The following HS6ST2 variants were observed in gnomAD, a reference collection of about 807,000 sequenced individuals.
HS6ST2 encodes heparan-sulfate 6-O-sulfotransferase 2.
Under a neutral mutation model 33.0 loss-of-function variants are expected in HS6ST2, and 17 were observed. The ratio of observed to expected loss-of-function variants is 0.52; its 90% CI spans 0.35 to 0.77. The LOEUF is 0.77. Among genes scored for constraint, HS6ST2 ranks in the 30% least tolerant of loss-of-function variants. The pLI, the probability that HS6ST2 is intolerant of heterozygous loss-of-function variation, is 0.01. For missense variants in HS6ST2, 519 were observed against 551.7 expected, an observed-to-expected ratio of 0.94 and a Z score of 0.59; for synonymous variants, 248 against 237.1, an observed-to-expected ratio of 1.05 and a Z score of -0.42.
At chrX:132,680,101 C>A (rs2063957925) in intron 3 of HS6ST2, among the ~76,000 whole-genome samples, 1 of 107,533 alleles carries the variant, frequency 9.3e-6, no homozygotes, top group South Asian at 4.3e-4. Flanking sequence ...TAAAGACAGG[C>A]ATAGGAAATC....
intron 3 of HS6ST2, among the ~76,000 whole-genome samples, chrX:132,672,166 T>C (rs1462308663): frequency 9.0e-6 from 1 of 111,180 alleles, no homozygotes; most frequent in Non-Finnish European, 1.9e-5. Context: ...ACTTCAAAGA[T>C]CTTTGGGGCA....
intron 2 of HS6ST2, among the ~76,000 whole-genome samples, chrX:132,932,185 C>CA (rs61033088): frequency 0.4 from 29,435 of 73,539 alleles, 5,351 homozygotes; most frequent in Middle Eastern, 0.55. Flanking sequence ...GACTCCACCT[C>CA]AAAAAAAAAA....
intron 3 of HS6ST2, among the ~76,000 whole-genome samples, chrX:132,687,700 T>C (rs1424111075): frequency 1.8e-5 from 2 of 110,712 alleles, no homozygotes; most frequent in African/African-American, 6.6e-5. Context: ...CAAGAAATCA[T>C]GACAAAAGCT....
intron 2 of HS6ST2, among the ~76,000 whole-genome samples, chrX:132,825,951 A>G (rs1046792499): frequency 8.9e-6 from 1 of 112,175 alleles, no homozygotes; most frequent in Non-Finnish European, 1.9e-5. Context: ...TCCCCATCTC[A>G]GACAAATATT....
chrX:132,690,616 C>G (rs891222217), intron 3 of HS6ST2, among the ~76,000 whole-genome samples: 1 of 111,901 alleles, frequency 8.9e-6, no homozygotes, highest in African/African-American at 3.2e-5. Context: ...TTTTGGAATT[C>G]AAGAGAAGTA....
At chrX:132,668,438 C>T (rs778981820) in intron 4 of HS6ST2, 15 of 110,734 alleles carry the variant, frequency 1.4e-4, no homozygotes, top group East Asian at 8.6e-4. Context: ...GATCACACTG[C>T]CTGAGTTTGC....
rs1321983431 is a variant in HS6ST2 at position 132,861,149 on chromosome X, C to T, written c.947+95659G>A. On this transcript the variant is annotated intron_variant, in intron 2 of 4. Coordinates refer to ENST00000370833, the MANE Select transcript of HS6ST2 (RefSeq NM_001394073.1). ...AGACAAGATACAAATGTGTATCCTG[C>T]TGTTTTTCGTTTGCCATTATAAACA... Among the ~76,000 whole-genome samples, 3 of 111,265 alleles carry T rather than the reference C, an allele frequency of 2.7e-5. No individual in the cohort carries two copies. In the Admixed American group the frequency reaches 2.9e-4, roughly 11 times the overall value.
chrX:132,742,173 C>A (rs1427828073), intron 2 of HS6ST2, among the ~76,000 whole-genome samples: 2 of 112,254 alleles, frequency 1.8e-5, no homozygotes, highest in African/African-American at 6.5e-5. Flanking sequence ...GGCAGCAGGA[C>A]ACAATCCAAA....
At chrX:132,869,774 AC>A (rs907566756) in intron 2 of HS6ST2, among the ~76,000 whole-genome samples, 1 of 111,838 alleles carries the variant, frequency 8.9e-6, no homozygotes, top group Non-Finnish European at 1.9e-5. Context: ...TCTCAAAATA[AC>A]AAGAGCTATT....
intron 2 of HS6ST2, among the ~76,000 whole-genome samples, chrX:132,767,836 C>T (rs1486626501): frequency 9.0e-6 from 1 of 111,290 alleles, no homozygotes; most frequent in African/African-American, 3.3e-5. Context: ...GAATGATGAA[C>T]CTGAACCACA....
rs893183748 is a variant in HS6ST2, at chrX:132,782,101, T to C, written c.948-73607A>G. 4.5e-5 allele frequency among the ~76,000 whole-genome samples: 5 copies of C among 111,961 alleles called. No individual in the cohort carries two copies. In the Middle Eastern group the frequency reaches 0.019, roughly 417 times the overall value. ...GAAATCCATTTGGGATGCTGAAGTATGTAAATGTAAGCCTGTTTTTAACTT... is the reference window on the plus strand; with the variant it reads ...GAAATCCATTTGGGATGCTGAAGTACGTAAATGTAAGCCTGTTTTTAACTT... On this transcript the variant is annotated intron_variant, in intron 2 of 4. Transcript: ENST00000370833.
At chrX:132,697,344 G>C (rs757416201) in intron 3 of HS6ST2, among the ~76,000 whole-genome samples, 1 of 111,766 alleles carries the variant, frequency 8.9e-6, no homozygotes, top group Non-Finnish European at 1.9e-5. Flanking sequence ...TTTGCTACTA[G>C]AAATGGAGCT....
intron 2 of HS6ST2, among the ~76,000 whole-genome samples, chrX:132,802,053 G>A (rs764398327): frequency 8.9e-5 from 10 of 111,907 alleles, no homozygotes; most frequent in African/African-American, 3.2e-4. Context: ...CTGAATGAAT[G>A]CAATTAACAT....
At chrX:132,818,186 T>A (rs1569494136) in intron 2 of HS6ST2, among the ~76,000 whole-genome samples, 1 of 111,108 alleles carries the variant, frequency 9.0e-6, no homozygotes, top group African/African-American at 3.3e-5. Context: ...TTAATAGTTG[T>A]ACTGTGTGAC....
intron 3 of HS6ST2, among the ~76,000 whole-genome samples, chrX:132,706,101 G>GGTGGTTGT (rs2064187098): frequency 1.8e-5 from 2 of 110,784 alleles, no homozygotes; most frequent in Non-Finnish European, 3.8e-5. Context: ...TCATTGATTT[G>GGTGGTTGT]GTGGTTGTTA....
chrX:132,823,714 A>C (rs1260153108), intron 2 of HS6ST2, among the ~76,000 whole-genome samples: 2 of 105,548 alleles, frequency 1.9e-5, no homozygotes, highest in East Asian at 5.9e-4. Context: ...AAAAAAAAAA[A>C]AAAAAACCCA....
At chrX:132,670,886 G>A (rs947151249) in intron 3 of HS6ST2, among the ~76,000 whole-genome samples, 2 of 112,536 alleles carry the variant, frequency 1.8e-5, no homozygotes, top group Non-Finnish European at 3.8e-5. Context: ...ACCCATGTGA[G>A]CTCTGGCTCT....
Position 132,628,477 on chromosome X carries a change from T to C in HS6ST2, c.1684A>G (p.Lys562Glu). The change falls in exon 5 of 5, where the codon AAG becomes GAG. Residue 562 changes from lysine to glutamate, a missense_variant. Transcript: ENST00000370833. Reference protein sequence around the residue: ...RKRQEQRKFLKGRLLQTHFQS... With the variant: ...RKRQEQRKFLEGRLLQTHFQS... The stretch of plus-strand genomic sequence containing the variant: ...AAATGGGTCTGAAGGAGCCTTCCCT[T>C]CAGAAATTTGCGTTGTTCCTGACGC... The C allele has an allele frequency of 8.3e-7, 1 of 1,211,164 alleles. No homozygotes were observed. The highest frequency in any genetic ancestry group is 1.1e-6 in the Non-Finnish European group (1 of 895,307).
At chrX:132,803,893 A>T (rs1303427714) in intron 2 of HS6ST2, among the ~76,000 whole-genome samples, 1 of 111,745 alleles carries the variant, frequency 8.9e-6, no homozygotes, top group Non-Finnish European at 1.9e-5. Context: ...AATGCCTGGA[A>T]CATAGGAAGG....
Sources: gnomAD v4.1 joint callset for allele counts (sites outside exome capture counted in the v4.1 genomes callset) on GRCh38, gnomAD v4.1.1 for gene constraint, MANE v1.5 for transcripts, NCBI Gene and HGNC (gene_info 2026-07-23, HGNC 2026-07-21) for gene names.